Variants in BSPH1 observed in about 807,000 individuals in gnomAD.
BSPH1 encodes binder of sperm protein homolog 1, also known as binder of sperm 1.
In BSPH1, 21 loss-of-function variants were observed where a neutral mutation model predicts 22.5. The observed-to-expected ratio is 0.93, with a 90% CI of 0.66 to 1.35. The LOEUF is 1.35. BSPH1 is among the 40% of genes most tolerant of loss of function. The pLI, the probability that BSPH1 is intolerant of heterozygous loss-of-function variation, is 0.00. For synonymous variants in BSPH1, 42 were observed against 53.6 expected, an observed-to-expected ratio of 0.78 and a Z score of 0.95; for missense variants, 141 against 154.2, an observed-to-expected ratio of 0.91 and a Z score of 0.45.
chr19:47,971,412 G>T (rs975155074), intron 5 of BSPH1, among the ~76,000 whole-genome samples: 7 of 152,130 alleles, frequency 4.6e-5, no homozygotes, highest in Non-Finnish European at 7.3e-5. Context: ...CACCATGTTG[G>T]CCAGGCTGGT....
In BSPH1 at chr19:47,985,997, C is replaced by T. The variant is rs185432204; in HGVS notation, c.74-5056G>A. ...ATATATTGGCATTCTTGCAGTTGCC[C>T]GCAGGAGGATATAGTTTATCAGACT... On this transcript the variant is annotated intron_variant, in intron 1 of 5. Coordinates refer to ENST00000344839, the MANE Select transcript of BSPH1 (RefSeq NM_001128326.2). 5.6e-3 allele frequency among the ~76,000 whole-genome samples: 845 copies of T among 152,138 alleles called. 10 individuals carry two copies. Among genetic ancestry groups the T allele is most frequent in the African/African-American group, 0.019 (798 of 41,510 alleles).
intron 3 of BSPH1, 50 bp from the exon 4 acceptor site, chr19:47,977,554 GT>G: frequency 1.3e-6 from 2 of 1,539,636 alleles, no homozygotes; most frequent in Middle Eastern, 1.7e-4. Context: ...TAGGAGAGAG[GT>G]TATCAAGCGA....
intron 1 of BSPH1, among the ~76,000 whole-genome samples, chr19:47,987,071 C>T (rs868605116): frequency 1.3e-5 from 2 of 152,196 alleles, no homozygotes; most frequent in South Asian, 2.1e-4. Context: ...AGGGCCAACC[C>T]GTATCCATTG....
intron 5 of BSPH1, among the ~76,000 whole-genome samples, chr19:47,970,144 C>T (rs930004297): frequency 1.3e-5 from 2 of 151,996 alleles, no homozygotes; most frequent in African/African-American, 4.8e-5. Flanking sequence ...CTGCAACCTC[C>T]GCCTCCTGGG....
chr19:47,984,043 T>C (rs1207700552), intron 1 of BSPH1, among the ~76,000 whole-genome samples: 2 of 151,618 alleles, frequency 1.3e-5, no homozygotes, highest in East Asian at 3.9e-4. Flanking sequence ...GACAGGGTTT[T>C]GCCATGTTGG....
chr19:47,978,001 G>GATATATATATATATATATATATATATAT (rs10609973), intron 3 of BSPH1, among the ~76,000 whole-genome samples: 1 of 110,458 alleles, frequency 9.1e-6, no homozygotes, highest in African/African-American at 3.4e-5. Flanking sequence ...GTTAATACAG[G>GATATATATATATATATATATATATATAT]ATATATATAT....
intron 5 of BSPH1, among the ~76,000 whole-genome samples, chr19:47,971,945 G>A (rs1969314219): frequency 6.6e-6 from 1 of 152,176 alleles, no homozygotes; most frequent in Non-Finnish European, 1.5e-5. Flanking sequence ...AAAGGTTTTG[G>A]AATACTGAAA....
At position 47,992,157 on chromosome 19, in the gene BSPH1, G is replaced by C; in HGVS notation, c.-76C>G. On this transcript the variant is annotated 5_prime_UTR_variant, in exon 1 of 6. Transcript: ENST00000344839. ...CAGGGCTCAAGAATCCCCTGGAGAG[G>C]CCCAGGGAGGCTTCTTGGAAAAGCA... 4 of 1,152,680 alleles carry C rather than the reference G, an allele frequency of 3.5e-6. No homozygotes were observed. The highest frequency in any genetic ancestry group is 5.0e-6 in the Non-Finnish European group (4 of 797,562). The allele number at this position is 1,152,680 out of a possible 1,614,324, so 71.4% of individuals were successfully genotyped here.
intron 1 of BSPH1, among the ~76,000 whole-genome samples, chr19:47,986,134 G>T (rs1303033631): frequency 6.6e-6 from 1 of 152,192 alleles, no homozygotes; most frequent in East Asian, 1.9e-4. Context: ...AATTGCTGTA[G>T]CCTGCTACAT....
intron 5 of BSPH1, among the ~76,000 whole-genome samples, chr19:47,974,880 C>G (rs1969347265): frequency 6.6e-6 from 1 of 152,086 alleles, no homozygotes; most frequent in African/African-American, 2.4e-5. Context: ...CTGGTCACCT[C>G]ACTCTCCACT....
intron 5 of BSPH1, among the ~76,000 whole-genome samples, chr19:47,976,037 C>T (rs1272790027): frequency 6.6e-6 from 1 of 152,148 alleles, no homozygotes; most frequent in African/African-American, 2.4e-5. Context: ...TAAAAATTTC[C>T]ATGTACACAT....
intron 1 of BSPH1, among the ~76,000 whole-genome samples, chr19:47,990,673 A>G (rs1465940784): frequency 6.6e-6 from 1 of 152,164 alleles, no homozygotes; most frequent in Non-Finnish European, 1.5e-5. Flanking sequence ...AATATCTGCA[A>G]GATCATTCTT....
At chr19:47,970,741 G>T (rs1405548866) in intron 5 of BSPH1, among the ~76,000 whole-genome samples, 2 of 152,170 alleles carry the variant, frequency 1.3e-5, no homozygotes, top group Non-Finnish European at 2.9e-5. Context: ...TAGTGGACCT[G>T]TTCATGTGCC....
At chr19:47,991,888 C>T (rs1215943018) in intron 1 of BSPH1, 121 bp downstream of exon 1, 5 of 591,786 alleles carry the variant, frequency 8.4e-6, no homozygotes, top group Non-Finnish European at 1.5e-5. Context: ...TCCTTCCCCT[C>T]TTCCCCTTCC....
intron 1 of BSPH1, among the ~76,000 whole-genome samples, chr19:47,983,905 C>G (rs971404024): frequency 1.3e-5 from 2 of 151,064 alleles, no homozygotes; most frequent in African/African-American, 4.9e-5. Context: ...GGCACGATCT[C>G]GGCTCACTGC....
At chr19:47,976,597 C>CAAA in intron 5 of BSPH1, 113 bp downstream of exon 5, 2 of 313,382 alleles carry the variant, frequency 6.4e-6, no homozygotes, top group Admixed American at 6.3e-5. Context: ...AAAAAAAAAA[C>CAAA]AAAAAAAAAC....
chr19:47,987,856 T>C (rs1969485614), intron 1 of BSPH1, among the ~76,000 whole-genome samples: 1 of 152,042 alleles, frequency 6.6e-6, no homozygotes, highest in Non-Finnish European at 1.5e-5. Context: ...TAGCTGGGCA[T>C]GGTGGTGTGC....
intron 5 of BSPH1, among the ~76,000 whole-genome samples, chr19:47,971,475 G>A (rs1399488904): frequency 6.6e-6 from 1 of 152,206 alleles, no homozygotes; most frequent in Non-Finnish European, 1.5e-5. Flanking sequence ...CAAAGTGCTG[G>A]GATGACAGGC....
chr19:47,991,614 TTCC>T (rs1199646454), intron 1 of BSPH1, among the ~76,000 whole-genome samples: 4 of 54,262 alleles, frequency 7.4e-5, no homozygotes, highest in Non-Finnish European at 1.4e-4. Flanking sequence ...CCTCCCCCTC[TTCC>T]TCCTCTTCCC....
Sources: allele counts gnomAD v4.1 joint callset (sites outside exome capture counted in the v4.1 genomes callset), GRCh38; gene constraint gnomAD v4.1.1; transcripts MANE v1.5; gene names NCBI Gene and HGNC (gene_info 2026-07-23, HGNC 2026-07-21).